Variants in FANCA observed in about 807,000 individuals in gnomAD.
FANCA encodes FA complementation group A.
A neutral mutation model predicts 194.3 loss-of-function variants in FANCA; 236 were observed. That is an observed-to-expected ratio of 1.21 (90% CI 1.09 to 1.35). FANCA has a LOEUF of 1.35. FANCA is among the 40% of genes most tolerant of loss of function. FANCA has a pLI of 0.00. For missense variants in FANCA, 2,628 were observed against 1,813.9 expected, an observed-to-expected ratio of 1.45 and a Z score of -8.15; for synonymous variants, 1,014 against 715.8, an observed-to-expected ratio of 1.42 and a Z score of -6.65.
intron 25 of FANCA, 33 bp downstream of exon 25, chr16:89,770,130 GCCC>G: frequency 6.4e-7 from 1 of 1,571,088 alleles, no homozygotes. Flanking sequence ...CTCAGAGTGG[GCCC>G]CCAAGGGTGG....
intron 9 of FANCA, 108 bp from the exon 10 acceptor site, chr16:89,799,340 G>C: frequency 7.9e-7 from 1 of 1,270,952 alleles, no homozygotes; most frequent in South Asian, 1.2e-5. Context: ...ACCCCCCAGA[G>C]GGCCCACATC....
At chr16:89,816,234 G>A (rs763744815) in intron 1 of FANCA, 33 of 493,844 alleles carry the variant, frequency 6.7e-5, no homozygotes, top group South Asian at 1.4e-4. Flanking sequence ...GGCGGCCTCT[G>A]CGCTGAGGGG....
chr16:89,788,746 G>C, intron 14 of FANCA, among the ~76,000 whole-genome samples: 1 of 151,798 alleles, frequency 6.6e-6, no homozygotes. Flanking sequence ...GCTGCAGTGA[G>C]CTATGATCAT....
intron 8 of FANCA, among the ~76,000 whole-genome samples, chr16:89,801,894 A>C (rs1485879022): frequency 6.6e-6 from 1 of 152,020 alleles, no homozygotes; most frequent in Non-Finnish European, 1.5e-5. Flanking sequence ...TCTCAAAAAA[A>C]CACAAAAAAA....
Position 89,792,007 on chromosome 16 carries a change from T to A in FANCA, c.1145A>T (p.Gln382Leu), listed in dbSNP as rs747766198. The change falls in exon 13 of 43, where the codon CAG becomes CTG. Residue 382 changes from glutamine (Q) to leucine (L), a missense_variant. By Grantham distance (113) the Gln-to-Leu change is moderately radical. Transcript: ENST00000389301. The stretch of plus-strand genomic sequence containing the variant: ...GAGCACTCTCTGCCAGTGAACCTCC[T>A]GCGTTTCCAGAACTTCTTGCAAATG... ...VGHLQEVLETQEVHWQRVLSF... is the reference protein window; with the variant it reads ...VGHLQEVLETLEVHWQRVLSF... The A allele has an allele frequency of 6.2e-7, 1 of 1,614,216 alleles. No individual in the cohort carries two copies. The highest frequency in any genetic ancestry group is 1.1e-5 in the South Asian group (1 of 91,090).
chr16:89,785,044 G>C (rs2143477995), intron 14 of FANCA, 80 bp from the exon 15 acceptor site: 1 of 1,021,922 alleles, frequency 9.8e-7, no homozygotes, highest in East Asian at 2.4e-5. Flanking sequence ...GTGGAGAGAA[G>C]AGCGTGAAGC....
At chr16:89,776,944 G>T (rs995610191) in intron 20 of FANCA, among the ~76,000 whole-genome samples, 1 of 152,176 alleles carries the variant, frequency 6.6e-6, no homozygotes, top group Non-Finnish European at 1.5e-5. Context: ...AGGTACAGTG[G>T]CTCATATTTG....
chr16:89,783,577 C>A, intron 15 of FANCA, among the ~76,000 whole-genome samples: 1 of 149,570 alleles, frequency 6.7e-6, no homozygotes, highest in Non-Finnish European at 1.5e-5. Flanking sequence ...AAAAAAAAAA[C>A]ACAATAGAAG....
chr16:89,803,222 C>T, intron 8 of FANCA, 37 bp downstream of exon 8: 1 of 1,586,106 alleles, frequency 6.3e-7, no homozygotes, highest in Non-Finnish European at 8.7e-7. Flanking sequence ...AAGGACGGCT[C>T]CTTCCGCTAA....
intron 34 of FANCA, 38 bp from the exon 35 acceptor site, chr16:89,746,726 G>A: frequency 6.2e-7 from 1 of 1,607,818 alleles, no homozygotes; most frequent in Admixed American, 1.7e-5. Flanking sequence ...AGCGGTTTGT[G>A]AGGACCCACA....
chr16:89,799,371 G>GT (rs2052425104), intron 9 of FANCA, 139 bp from the exon 10 acceptor site: 1 of 1,049,446 alleles, frequency 9.5e-7, no homozygotes. Flanking sequence ...TCTACAATCT[G>GT]TAGGCCTTAA....
At chr16:89,751,863 T>C (rs1348380645) in intron 31 of FANCA, among the ~76,000 whole-genome samples, 1 of 151,786 alleles carries the variant, frequency 6.6e-6, no homozygotes, top group African/African-American at 2.4e-5. Flanking sequence ...CTCCGCCTCC[T>C]GGGTTCATGC....
chr16:89,792,371 C>G, intron 12 of FANCA, 100 bp downstream of exon 12: 1 of 1,288,882 alleles, frequency 7.8e-7, no homozygotes, highest in Non-Finnish European at 1.1e-6. Flanking sequence ...CCCTGAACCT[C>G]TCGATGTGCC....
chr16:89,812,345 CAA>C (rs751119807), intron 3 of FANCA, among the ~76,000 whole-genome samples: 2 of 148,200 alleles, frequency 1.3e-5, no homozygotes, highest in Non-Finnish European at 3.0e-5. Context: ...CTCAAAAAAA[CAA>C]AACAAAAAAA....
In FANCA at chr16:89,738,923, T is replaced by C; in HGVS notation, c.4219A>G (p.Ile1407Val). The change falls in exon 42 of 43, where the codon ATA (isoleucine) becomes GTA (valine). Residue 1407 changes from isoleucine (I) to valine (V), a missense_variant. Transcript: ENST00000389301. ...AAGCTCTTTTTCGGGCACCGAGGTA[T>C]TAACTGCAGCAGAAAAAGACGAGCT... ...TKARLFLLQL[I>V]PRCPKKSFSH... The C allele has an allele frequency of 6.2e-7, 1 of 1,614,274 alleles. No individual in the cohort carries two copies. The highest frequency in any genetic ancestry group is 8.5e-7 in the Non-Finnish European group (1 of 1,180,052).
intron 5 of FANCA, 83 bp downstream of exon 5, chr16:89,810,624 C>G: frequency 1.1e-6 from 1 of 903,764 alleles, no homozygotes; most frequent in Non-Finnish European, 1.9e-6. Flanking sequence ...CCCAAGAAAA[C>G]CCAGGTACTC....
chr16:89,813,812 G>GTGTC (rs1567656855), intron 3 of FANCA, among the ~76,000 whole-genome samples: 1 of 151,326 alleles, frequency 6.6e-6, no homozygotes, highest in East Asian at 1.9e-4. Flanking sequence ...TTTACTGTGT[G>GTGTC]TGTGTGTGTG....
At chr16:89,778,649 A>AG in intron 20 of FANCA, 152 bp downstream of exon 20, 1 of 656,496 alleles carries the variant, frequency 1.5e-6, no homozygotes, top group Non-Finnish European at 2.5e-6. Context: ...AAAAAAAAAA[A>AG]AAAAAAAAGT....
chr16:89,792,565 G>T lies in FANCA; in HGVS notation c.1007-18C>A. On this transcript the variant is annotated intron_variant, in intron 11 of 42. Coordinates refer to ENST00000389301, the MANE Select transcript of FANCA (RefSeq NM_000135.4). The stretch of plus-strand genomic sequence containing the variant: ...ATCAGATGCTGCAGGGGGAGAAACA[G>T]ACAAAAACTTCAAGTCAGAGATCAA... The T allele has an allele frequency of 6.2e-7, 1 of 1,611,014 alleles. No individual in the cohort carries two copies. Among genetic ancestry groups the T allele is most frequent in the South Asian group, 1.1e-5 (1 of 90,864 alleles).
Sources: allele counts gnomAD v4.1 joint callset (sites outside exome capture counted in the v4.1 genomes callset), GRCh38; gene constraint gnomAD v4.1.1; transcripts MANE v1.5; gene names NCBI Gene and HGNC (gene_info 2026-07-23, HGNC 2026-07-21).